The following USP34 variants were observed in gnomAD, a reference collection of about 807,000 sequenced individuals.
USP34 encodes the protein ubiquitin specific peptidase 34, also known as ubiquitin carboxyl-terminal hydrolase 34.
USP34 carries 70 observed loss-of-function variants against 460.3 expected under a neutral mutation model. That is an observed-to-expected ratio of 0.15 (90% CI 0.13 to 0.19). USP34 has a LOEUF of 0.19. USP34 is among the 10% of genes least tolerant of loss of function. The pLI is 1.00. For synonymous variants in USP34, 1,647 were observed against 1,405.3 expected (o/e 1.17, Z -3.85); for missense variants, 3,985 against 4,236.2 (o/e 0.94, Z 1.65).
At chr2:61,192,732 T>C (rs1405117147) in intron 76 of USP34, among the ~76,000 whole-genome samples, 169 bp downstream of exon 76, 2 of 152,220 alleles carry the variant, frequency 1.3e-5, no homozygotes. Flanking sequence ...AAAGGGAAAC[T>C]AGATGCCTAA....
chr2:61,395,098 C>CAT, intron 4 of USP34, 85 bp downstream of exon 4: 1 of 1,445,590 alleles, frequency 6.9e-7, no homozygotes, highest in Non-Finnish European at 9.4e-7. Flanking sequence ...ACTCAAAAGA[C>CAT]ATATATAAAT....
At chr2:61,304,905 T>C (rs1293330055) in intron 27 of USP34, among the ~76,000 whole-genome samples, 5 of 152,164 alleles carry the variant, frequency 3.3e-5, no homozygotes, top group Non-Finnish European at 4.4e-5. Context: ...ATAGAATTTC[T>C]ACCTTTTAAA....
intron 1 of USP34, among the ~76,000 whole-genome samples, chr2:61,438,725 A>G (rs1404271073): frequency 6.6e-6 from 1 of 152,230 alleles, no homozygotes; most frequent in East Asian, 1.9e-4. Context: ...ACTCAACAAG[A>G]GAAAGATAAA....
At position 61,256,967 on chromosome 2, in the gene USP34, A is replaced by G; in HGVS notation, c.6049-17T>C. The G allele has an allele frequency of 6.9e-7, 1 of 1,457,988 alleles. No individual in the cohort carries two copies. The highest frequency in any genetic ancestry group is 1.7e-5 in the South Asian group (1 of 60,508). 90.3% of individuals were successfully genotyped at this position (1,457,988 alleles called of 1,614,324 possible). A position where few individuals can be genotyped will look rare whatever the true frequency, so the allele number is the denominator to read the frequency against. On this transcript the variant is annotated splice_polypyrimidine_tract_variant and intron_variant, in intron 46 of 79. Transcript: ENST00000398571. ...TTCACAATCCTAATCAATACACATAAAAAATTAATAAAAACTAGTAAATTA... is the reference window on the plus strand; with the variant it reads ...TTCACAATCCTAATCAATACACATAGAAAATTAATAAAAACTAGTAAATTA...
At chr2:61,383,794 G>A (rs1272930610) in intron 5 of USP34, among the ~76,000 whole-genome samples, 1 of 152,102 alleles carries the variant, frequency 6.6e-6, no homozygotes, top group Non-Finnish European at 1.5e-5. Flanking sequence ...TATCAATTAT[G>A]AAAAGAGTAT....
At chr2:61,236,779 A>G (rs939290505) in intron 53 of USP34, among the ~76,000 whole-genome samples, 1 of 152,192 alleles carries the variant, frequency 6.6e-6, no homozygotes, top group Non-Finnish European at 1.5e-5. Flanking sequence ...GCAGACCTAA[A>G]TCAGACGTGA....
At chr2:61,421,387 G>C (rs1003235921) in intron 1 of USP34, among the ~76,000 whole-genome samples, 8 of 152,154 alleles carry the variant, frequency 5.3e-5, no homozygotes, top group African/African-American at 1.9e-4. Context: ...TTGATATGAG[G>C]AAGCTTGAGA....
chr2:61,395,886 T>A (rs1572999789), intron 3 of USP34, among the ~76,000 whole-genome samples: 1 of 149,118 alleles, frequency 6.7e-6, no homozygotes. Context: ...ACCAACATGG[T>A]AAAACCTTGT....
At chr2:61,221,231 G>A (rs756564326) in intron 66 of USP34, among the ~76,000 whole-genome samples, 10 of 152,260 alleles carry the variant, frequency 6.6e-5, no homozygotes, top group South Asian at 2.1e-4. Flanking sequence ...AAAACACTTG[G>A]TTTGTATTTC....
At chr2:61,265,295 A>T in intron 43 of USP34, 102 bp downstream of exon 43, 2 of 1,331,576 alleles carry the variant, frequency 1.5e-6, no homozygotes, top group South Asian at 2.8e-5. Flanking sequence ...TTTTATTCAC[A>T]AATTATTTTT....
intron 68 of USP34, 112 bp downstream of exon 68, chr2:61,213,948 A>T: frequency 7.7e-7 from 1 of 1,291,734 alleles, no homozygotes; most frequent in Non-Finnish European, 1.1e-6. Context: ...TTAAGTTCTT[A>T]AGAAAGAATG....
At chr2:61,237,012 G>T (rs1688088818) in intron 53 of USP34, among the ~76,000 whole-genome samples, 1 of 152,098 alleles carries the variant, frequency 6.6e-6, no homozygotes, top group Non-Finnish European at 1.5e-5. Context: ...GGTTCATTTT[G>T]AGCTGATTAA....
intron 1 of USP34, among the ~76,000 whole-genome samples, chr2:61,450,485 A>G (rs1695238990): frequency 6.6e-6 from 1 of 152,172 alleles, no homozygotes; most frequent in Non-Finnish European, 1.5e-5. Flanking sequence ...CCAACCCAAT[A>G]GTTCACTATA....
rs998112950 is a variant in USP34 at position 61,331,204 on chromosome 2, A to C, written c.2930+72T>G. 3 of 1,324,166 alleles carry C rather than the reference A, an allele frequency of 2.3e-6. No homozygotes were observed. The African/African-American group carries it at 4.5e-5, about 20-fold the overall frequency. 82.0% of individuals were successfully genotyped at this position (1,324,166 alleles called of 1,614,324 possible). A position where few individuals can be genotyped will look rare whatever the true frequency, so the allele number is the denominator to read the frequency against. On this transcript the variant is annotated intron_variant, in intron 20 of 79. Transcript: ENST00000398571. ...TACTTATTATATGAAAAAAAGTTAA[A>C]ACACTGGAAAATCATCTTTCAAAGG...
At chr2:61,465,078 T>C (rs1428648498) in intron 1 of USP34, among the ~76,000 whole-genome samples, 1 of 152,046 alleles carries the variant, frequency 6.6e-6, no homozygotes, top group East Asian at 1.9e-4. Context: ...GAAAAGAAAA[T>C]GGCAAGTCCA....
intron 75 of USP34, 76 bp from the exon 76 acceptor site, chr2:61,193,056 A>G (rs1396571523): frequency 2.6e-6 from 3 of 1,148,844 alleles, no homozygotes; most frequent in African/African-American, 3.1e-5. Flanking sequence ...TGCAGGTACA[A>G]TATTACAGCT....
At chr2:61,412,291 A>C (rs1215188868) in intron 2 of USP34, among the ~76,000 whole-genome samples, 2 of 151,602 alleles carry the variant, frequency 1.3e-5, no homozygotes, top group Non-Finnish European at 2.9e-5. Context: ...AAAAGGAAAA[A>C]AAGATTTTAG....
intron 10 of USP34, among the ~76,000 whole-genome samples, chr2:61,353,360 C>CCA (rs1453898938): frequency 1.3e-5 from 2 of 151,472 alleles, no homozygotes; most frequent in Non-Finnish European, 2.9e-5. Flanking sequence ...AGAAAATATA[C>CCA]CTGAAGTCCA....
At chr2:61,280,681 C>G (rs1217296465) in intron 38 of USP34, among the ~76,000 whole-genome samples, 1 of 151,904 alleles carries the variant, frequency 6.6e-6, no homozygotes, top group Non-Finnish European at 1.5e-5. Flanking sequence ...GTATTAGAAG[C>G]CTTTTAAAGA....
Sources: gnomAD v4.1 joint callset for allele counts (sites outside exome capture counted in the v4.1 genomes callset) on GRCh38, gnomAD v4.1.1 for gene constraint, MANE v1.5 for transcripts, NCBI Gene and HGNC (gene_info 2026-07-23, HGNC 2026-07-21) for gene names.